NR3C1: variants seen among roughly 807,000 people sequenced by gnomAD.
NR3C1 encodes the protein glucocorticoid receptor.
A neutral mutation model predicts 74.0 loss-of-function variants in NR3C1; 14 were observed. That is an observed-to-expected ratio of 0.19 (90% CI 0.12 to 0.30). NR3C1 has a LOEUF of 0.30. Among genes scored for constraint, NR3C1 ranks in the 10% least tolerant of loss-of-function variants. NR3C1 has a pLI of 1.00. For synonymous variants in NR3C1, 308 were observed against 332.5 expected (o/e 0.93, Z 0.80); for missense variants, 695 against 909.8 (o/e 0.76, Z 3.04).
intron 2 of NR3C1, among the ~76,000 whole-genome samples, chr5:143,348,454 A>G (rs1361999831): frequency 6.6e-6 from 1 of 152,218 alleles, no homozygotes; most frequent in Non-Finnish European, 1.5e-5. Context: ...TAAGCACAGA[A>G]TAGCAAAAAA....
chr5:143,414,617 CAG>C (rs1337298722), intron 1 of NR3C1, among the ~76,000 whole-genome samples: 5 of 152,152 alleles, frequency 3.3e-5, no homozygotes, highest in Non-Finnish European at 5.9e-5. Context: ...ATCAGACTAA[CAG>C]AGCCTCCTGT....
At chr5:143,283,804 C>T (rs1394883942) in intron 7 of NR3C1, among the ~76,000 whole-genome samples, 1 of 152,152 alleles carries the variant, frequency 6.6e-6, no homozygotes, top group Non-Finnish European at 1.5e-5. Flanking sequence ...TAGAGTGCTA[C>T]ATTTTTCACA....
intron 2 of NR3C1, among the ~76,000 whole-genome samples, chr5:143,399,451 A>G (rs1191537998): frequency 6.6e-6 from 1 of 152,182 alleles, no homozygotes; most frequent in Non-Finnish European, 1.5e-5. Flanking sequence ...ACTGAAAACC[A>G]CTATTTAAGG....
At chr5:143,311,343 A>G (rs1820897651) in intron 3 of NR3C1, among the ~76,000 whole-genome samples, 1 of 152,212 alleles carries the variant, frequency 6.6e-6, no homozygotes, top group Non-Finnish European at 1.5e-5. Context: ...AAAAATGAAA[A>G]ATTCCAAAGT....
chr5:143,310,067 C>A (rs1820573962), intron 4 of NR3C1, 30 bp downstream of exon 4: 1 of 1,489,278 alleles, frequency 6.7e-7, no homozygotes, highest in Non-Finnish European at 9.4e-7. Context: ...GCTACAGAGA[C>A]AAACAATTGC....
chr5:143,385,269 G>GA (rs1385017134), intron 2 of NR3C1, among the ~76,000 whole-genome samples: 7 of 152,186 alleles, frequency 4.6e-5, no homozygotes, highest in African/African-American at 1.7e-4. Flanking sequence ...AGGAAGGGCT[G>GA]CCATGAAGGT....
chr5:143,319,069 C>A (rs2151640464), intron 2 of NR3C1, among the ~76,000 whole-genome samples: 1 of 152,228 alleles, frequency 6.6e-6, no homozygotes, highest in African/African-American at 2.4e-5. Flanking sequence ...AGGGGAGACT[C>A]CCAGGGCCCC....
chr5:143,392,665 G>A (rs1426624435), intron 2 of NR3C1, among the ~76,000 whole-genome samples: 3 of 152,066 alleles, frequency 2.0e-5, no homozygotes, highest in Non-Finnish European at 4.4e-5. Flanking sequence ...ACAGAGTTGA[G>A]ATTTAAATGA....
intron 1 of NR3C1, among the ~76,000 whole-genome samples, chr5:143,429,597 C>T (rs941954011): frequency 1.3e-5 from 2 of 152,094 alleles, no homozygotes; most frequent in African/African-American, 4.8e-5. Context: ...ACCTGGTGGG[C>T]ACTAAATCAG....
chr5:143,429,476 T>G (rs757751126), intron 1 of NR3C1, among the ~76,000 whole-genome samples: 66 of 152,348 alleles, frequency 4.3e-4, no homozygotes, highest in Admixed American at 2.1e-3. Flanking sequence ...TGTAGCCATT[T>G]TTCAGGCAAA....
intron 2 of NR3C1, among the ~76,000 whole-genome samples, chr5:143,393,279 T>C (rs760884876): frequency 6.6e-6 from 1 of 152,178 alleles, no homozygotes; most frequent in Non-Finnish European, 1.5e-5. Context: ...ACCAACTTTG[T>C]TATACCATTC....
intron 2 of NR3C1, among the ~76,000 whole-genome samples, chr5:143,371,013 G>A (rs772067805): frequency 7.2e-5 from 11 of 152,096 alleles, no homozygotes; most frequent in Non-Finnish European, 1.2e-4. Flanking sequence ...AGGTATGGAG[G>A]ACATTAATAA....
chr5:143,399,879 C>T lies in NR3C1; in HGVS notation c.961G>A (p.Val321Ile). Residue 321 changes from valine (V) to isoleucine (I), a missense_variant, in exon 2 of 9, where the codon GTT (valine) becomes ATT (isoleucine). By Grantham distance (29) the Val-to-Ile change is conservative. Transcript: ENST00000394464. ...CCTCCAGAGGTACTCACACCATGAA[C>T]AGAAATGGCAGACATTTTATTACCA... ...IIGNKMSAIS[V>I]HGVSTSGGQM... 1 of 1,614,174 alleles carries T rather than the reference C, an allele frequency of 6.2e-7. No homozygotes were observed. Among genetic ancestry groups the T allele is most frequent in the Non-Finnish European group, 8.5e-7 (1 of 1,180,032 alleles).
In NR3C1 at chr5:143,424,136, G is replaced by A. The variant is rs531700880; in HGVS notation, c.-14+10396C>T. 3.4e-4 allele frequency among the ~76,000 whole-genome samples: 52 copies of A among 151,666 alleles called. No homozygotes were observed. In the South Asian group the frequency reaches 5.0e-3, roughly 15 times the overall value. On this transcript the variant is annotated intron_variant, in intron 1 of 8. Coordinates refer to the NR3C1 transcript ENST00000343796. ...TAGATGACGAGTTAATGGGTGCAGC[G>A]CACCACCATGGCACATGTATACATA...
At chr5:143,408,613 A>G (rs1841194554), upstream of NR3C1, among the ~76,000 whole-genome samples, 1 of 152,042 alleles carries the variant, frequency 6.6e-6, no homozygotes, top group Non-Finnish European at 1.5e-5. Flanking sequence ...TAGGAAATTC[A>G]TTTTTTGTTT....
intron 2 of NR3C1, among the ~76,000 whole-genome samples, chr5:143,379,288 A>C (rs1835764418): frequency 6.6e-6 from 1 of 152,200 alleles, no homozygotes; most frequent in Admixed American, 6.5e-5. Flanking sequence ...TACATAAAGA[A>C]TCTGAGGTTC....
At chr5:143,393,387 G>A (rs1356314983) in intron 2 of NR3C1, among the ~76,000 whole-genome samples, 2 of 152,138 alleles carry the variant, frequency 1.3e-5, no homozygotes, top group Non-Finnish European at 2.9e-5. Context: ...TTCAAACACA[G>A]TTGTAAAGAA....
At chr5:143,353,137 A>G (rs1309072991) in intron 2 of NR3C1, among the ~76,000 whole-genome samples, 3 of 152,212 alleles carry the variant, frequency 2.0e-5, no homozygotes, top group African/African-American at 4.8e-5. Flanking sequence ...TCATTTGTCC[A>G]TAAGAAGCAA....
chr5:143,408,268 C>G (rs974768239), upstream of NR3C1, among the ~76,000 whole-genome samples: 1 of 152,182 alleles, frequency 6.6e-6, no homozygotes, highest in Admixed American at 6.5e-5. Context: ...GGCAGGCTAA[C>G]TCTCTGTGCC....
Sources: allele counts gnomAD v4.1 joint callset (sites outside exome capture counted in the v4.1 genomes callset), GRCh38; gene constraint gnomAD v4.1.1; transcripts MANE v1.5; gene names NCBI Gene and HGNC (gene_info 2026-07-23, HGNC 2026-07-21).